Variants in CLTCL1 observed in about 807,000 individuals in gnomAD.
CLTCL1 encodes the protein clathrin heavy chain 2.
Under a neutral mutation model 190.0 loss-of-function variants are expected in CLTCL1, and 159 were observed. The observed-to-expected ratio is 0.84, with a 90% confidence interval of 0.74 to 0.95. The LOEUF (loss-of-function observed/expected upper bound fraction) is 0.95, where lower values mean the gene tolerates loss of function less well. Among genes scored for constraint, CLTCL1 ranks in the 40% least tolerant of loss-of-function variants. The pLI is 0.00. For missense variants in CLTCL1, 1,878 were observed against 2,033.4 expected (o/e 0.92, Z 1.47); for synonymous variants, 752 against 769.6 (o/e 0.98, Z 0.38).
rs2085744013 is a variant in CLTCL1, at chr22:19,226,305, C to CTTCTCACAG, written c.1860_1861insCTGTGAGAA (p.Ala620_Gly621insLeuTer). ...TGCTCCAGTGCTTGCTGCAGGAGGC[C>CTTCTCACAG]TGCCTTCTCACAGAGCTGGGCAATG... On this transcript the variant is annotated stop_gained and inframe_insertion, in exon 12 of 33. Coordinates refer to ENST00000427926, the MANE Select transcript of CLTCL1 (RefSeq NM_007098.4). LOFTEE classifies it high-confidence loss of function. 2 of 1,614,052 alleles carry CTTCTCACAG rather than the reference C, an allele frequency of 1.2e-6. No individual in the cohort carries two copies. The highest frequency in any genetic ancestry group is 2.7e-5 in the African/African-American group (2 of 75,058).
At chr22:19,202,572 C>T (rs562567321) in intron 22 of CLTCL1, among the ~76,000 whole-genome samples, 12 of 147,248 alleles carry the variant, frequency 8.1e-5, no homozygotes, top group African/African-American at 2.6e-4. Context: ...CCCCTCCTTC[C>T]ATCATCCATG....
chr22:19,247,721 C>T (rs764684367), intron 3 of CLTCL1, among the ~76,000 whole-genome samples: 2 of 151,812 alleles, frequency 1.3e-5, no homozygotes, highest in African/African-American at 4.8e-5. Flanking sequence ...CCACAACTCT[C>T]GGCTAATTTT....
intron 10 of CLTCL1, 133 bp from the exon 11 acceptor site, chr22:19,230,108 T>G (rs2085873963): frequency 2.0e-6 from 2 of 984,518 alleles, no homozygotes; most frequent in African/African-American, 3.4e-5. Context: ...GTTTTTTTTT[T>G]TTTTTTGAGA....
chr22:19,227,336 G>A (rs995261018), intron 11 of CLTCL1, among the ~76,000 whole-genome samples: 3 of 146,002 alleles, frequency 2.1e-5, no homozygotes, highest in African/African-American at 7.7e-5. Flanking sequence ...CGAATGGAGT[G>A]CAGTGGTGCA....
chr22:19,183,539 C>T lies in CLTCL1; in HGVS notation c.4678G>A (p.Glu1560Lys), dbSNP rs1601423456. The change falls in exon 30 of 33, where the codon GAA becomes AAA. Residue 1560 changes from glutamate (E) to lysine (K), a missense_variant. Coordinates refer to ENST00000427926, the MANE Select transcript of CLTCL1 (RefSeq NM_007098.4). Reference protein sequence around the residue: ...AQKLLQWFLEEGKRECFAACL... With the variant: ...AQKLLQWFLEKGKRECFAACL... ...GCTGCGAAGCACTCCCTCTTGCCTT[C>T]CTCCAGGAACCACTGCAGCAACTTC... is the stretch of plus-strand genomic sequence containing the variant. 6.2e-7 allele frequency: 1 copy of T among 1,613,836 alleles called. No homozygotes were observed. The highest frequency in any genetic ancestry group is 8.5e-7 in the Non-Finnish European group (1 of 1,179,886).
rs1165976577 is a variant in CLTCL1, at chr22:19,222,743, G to A, written c.2359C>T (p.Leu787Phe). Residue 787 changes from leucine (L) to phenylalanine (F), a missense_variant, in exon 15 of 33, where the codon CTT (leucine) becomes TTT (phenylalanine). Physicochemically the swap from Leu to Phe is conservative, Grantham distance 22. Coordinates refer to ENST00000427926, the MANE Select transcript of CLTCL1 (RefSeq NM_007098.4). The stretch of plus-strand genomic sequence containing the variant: ...TTGTTGCGGTATAAATATAGGACAA[G>A]GTCATGGACAAAGCCAAAACGATCA... The part of the protein sequence containing the change: ...VCDRFGFVHD[L>F]VLYLYRNNLQ... 7.5e-6 allele frequency: 12 copies of A among 1,599,388 alleles called. No individual in the cohort carries two copies. In the East Asian group the frequency reaches 2.7e-4, roughly 36 times the overall value.
intron 3 of CLTCL1, among the ~76,000 whole-genome samples, chr22:19,246,214 C>A (rs1020729314): frequency 1.3e-5 from 2 of 151,908 alleles, no homozygotes; most frequent in African/African-American, 4.8e-5. Flanking sequence ...CGCCTGCCAC[C>A]ATGCCCGGCT....
In CLTCL1 at chr22:19,221,368, G is replaced by A. The variant is rs1375506045; in HGVS notation, c.2796+9C>T. 6 of 1,538,410 alleles carry A rather than the reference G, an allele frequency of 3.9e-6. No homozygotes were observed. The East Asian group carries it at 7.4e-5, about 19-fold the overall frequency. On this transcript the variant is annotated intron_variant, in intron 17 of 32. Coordinates refer to ENST00000427926, the MANE Select transcript of CLTCL1 (RefSeq NM_007098.4). ...GTTACATGGGCAGCTCAGCACATCT[G>A]CTACCCACCTTGATGAGCTCAAGGT...
chr22:19,276,394 G>T (rs955257147), intron 1 of CLTCL1, among the ~76,000 whole-genome samples: 2 of 152,160 alleles, frequency 1.3e-5, no homozygotes, highest in African/African-American at 2.4e-5. Context: ...GAGAGTCTGG[G>T]GTTAATAAGA....
At chr22:19,248,243 G>C (rs1461091312) in intron 3 of CLTCL1, among the ~76,000 whole-genome samples, 1 of 151,906 alleles carries the variant, frequency 6.6e-6, no homozygotes, top group Admixed American at 6.6e-5. Flanking sequence ...GTTGCGGTGA[G>C]CCAAGACCAT....
chr22:19,219,523 G>A (rs922057431), intron 18 of CLTCL1, among the ~76,000 whole-genome samples: 5 of 149,586 alleles, frequency 3.3e-5, no homozygotes, highest in Admixed American at 6.7e-5. Context: ...TCTGTCTGTC[G>A]CCCAGGCTGG....
intron 23 of CLTCL1, among the ~76,000 whole-genome samples, chr22:19,200,835 C>T: frequency 6.6e-6 from 1 of 152,164 alleles, no homozygotes; most frequent in East Asian, 1.9e-4. Flanking sequence ...GAGCTAGACT[C>T]CATCTCAAAA....
At chr22:19,213,708 T>C (rs2145678375) in intron 19 of CLTCL1, among the ~76,000 whole-genome samples, 1 of 152,288 alleles carries the variant, frequency 6.6e-6, no homozygotes. Flanking sequence ...GTGACTCCAT[T>C]TGCATGACAT....
chr22:19,181,370 C>G (rs868976155), intron 30 of CLTCL1: 3 of 154,276 alleles, frequency 1.9e-5, no homozygotes, highest in African/African-American at 7.2e-5. Context: ...TGCCAGAGAG[C>G]GAGGCGGCAG....
chr22:19,204,399 C>T (rs946216439), intron 22 of CLTCL1, among the ~76,000 whole-genome samples: 4 of 152,214 alleles, frequency 2.6e-5, no homozygotes, highest in Non-Finnish European at 5.9e-5. Flanking sequence ...GGTGTACAGA[C>T]TCAGCACTTA....
intron 24 of CLTCL1, among the ~76,000 whole-genome samples, chr22:19,199,399 C>T (rs1555937718): frequency 1.3e-5 from 2 of 152,184 alleles, no homozygotes; most frequent in African/African-American, 4.8e-5. Flanking sequence ...AGAGCTCTGC[C>T]ACCACCAGCC....
intron 11 of CLTCL1, among the ~76,000 whole-genome samples, chr22:19,228,518 C>A (rs1412492171): frequency 6.6e-6 from 1 of 152,206 alleles, no homozygotes; most frequent in Non-Finnish European, 1.5e-5. Context: ...CAGTAGACCC[C>A]AAGCAGCAAA....
intron 19 of CLTCL1, among the ~76,000 whole-genome samples, chr22:19,211,622 C>CCA: frequency 6.6e-6 from 1 of 151,942 alleles, no homozygotes; most frequent in East Asian, 1.9e-4. Flanking sequence ...AAAAAATTAG[C>CCA]TGGGCGTGGT....
intron 1 of CLTCL1, among the ~76,000 whole-genome samples, chr22:19,285,895 G>C (rs1398579510): frequency 6.6e-6 from 1 of 152,216 alleles, no homozygotes; most frequent in Non-Finnish European, 1.5e-5. Context: ...AGGATCTTCA[G>C]TGTGTTAAGT....
Sources: allele counts gnomAD v4.1 joint callset (sites outside exome capture counted in the v4.1 genomes callset), GRCh38; gene constraint gnomAD v4.1.1; transcripts MANE v1.5; gene names NCBI Gene and HGNC (gene_info 2026-07-23, HGNC 2026-07-21).